The following CDH13 variants were observed in gnomAD, a reference collection of about 807,000 sequenced individuals.
CDH13 encodes the protein cadherin 13.
CDH13 carries 24 observed loss-of-function variants against 63.8 expected under a neutral mutation model. The ratio of observed to expected loss-of-function variants is 0.38; its 90% CI spans 0.27 to 0.53. CDH13 has a LOEUF of 0.53. Ranked by LOEUF, CDH13 falls within the 20% of genes least tolerant of loss-of-function variation. The pLI is 0.85. For synonymous variants in CDH13, 503 were observed against 355.3 expected (o/e 1.42, Z -4.67); for missense variants, 1,049 against 903.1 (o/e 1.16, Z -2.07).
At position 83,670,664 on chromosome 16, in the gene CDH13, G is replaced by A. The variant is rs192763376; in HGVS notation, c.1102-126G>A. 6.1e-4 allele frequency: 538 copies of A among 889,210 alleles called. 8 individuals are homozygous for A. In the East Asian group the frequency reaches 7.2e-3, roughly 12 times the overall value. 55.1% of individuals were successfully genotyped at this position (889,210 alleles called of 1,614,324 possible). Reference sequence around the variant, plus strand: ...AAGAAGAGCATAGTATCTTCCAACCGTAATCCTCTTATGTTATTATTTATT... The same window carrying A: ...AAGAAGAGCATAGTATCTTCCAACCATAATCCTCTTATGTTATTATTTATT... On this transcript the variant is annotated intron_variant, in intron 8 of 13. Coordinates refer to ENST00000567109, the MANE Select transcript of CDH13 (RefSeq NM_001257.5).
rs551899017 is a variant in CDH13 at position 82,718,705 on chromosome 16, G to A, written c.45+91568G>A. Among the ~76,000 whole-genome samples the A allele has an allele frequency of 4.6e-5, 7 of 152,270 alleles. No homozygotes were observed. In the East Asian group the frequency reaches 7.7e-4, roughly 17 times the overall value. ...GGCAGCAGACAAGAGAAGAGAACTC[G>A]TGCAGGGAAACTCCCCTTTATAAAC... On this transcript the variant is annotated intron_variant, in intron 1 of 13. Transcript: ENST00000567109.
intron 2 of CDH13, among the ~76,000 whole-genome samples, chr16:82,916,806 A>T (rs1157010035): frequency 2.0e-5 from 3 of 152,168 alleles, no homozygotes; most frequent in Non-Finnish European, 4.4e-5. Flanking sequence ...CCTAAAAAAT[A>T]TTCCCTACTA....
chr16:83,009,465 T>G (rs1246782585), intron 2 of CDH13, among the ~76,000 whole-genome samples: 1 of 152,148 alleles, frequency 6.6e-6, no homozygotes, highest in Non-Finnish European at 1.5e-5. Context: ...ATTCTCTCAC[T>G]TTTTTTCCTC....
intron 1 of CDH13, among the ~76,000 whole-genome samples, chr16:82,698,835 G>C (rs1378286869): frequency 6.6e-6 from 1 of 152,160 alleles, no homozygotes; most frequent in African/African-American, 2.4e-5. Context: ...CCTTTAAAAG[G>C]ACAGATAGTA....
intron 6 of CDH13, among the ~76,000 whole-genome samples, chr16:83,347,677 G>C (rs994188686): frequency 1.3e-5 from 2 of 152,164 alleles, no homozygotes; most frequent in African/African-American, 4.8e-5. Flanking sequence ...TCAGGAACTT[G>C]ACAAAGTTAC....
intron 4 of CDH13, among the ~76,000 whole-genome samples, chr16:83,182,724 TAA>T (rs1195064190): frequency 1.3e-5 from 2 of 152,202 alleles, no homozygotes; most frequent in African/African-American, 4.8e-5. Flanking sequence ...CACTTAGGAC[TAA>T]AAAAGTTAGT....
chr16:82,802,405 A>T (rs1396872042), intron 1 of CDH13, among the ~76,000 whole-genome samples: 1 of 152,098 alleles, frequency 6.6e-6, no homozygotes, highest in Non-Finnish European at 1.5e-5. Context: ...GCCTGGCAAA[A>T]CAGGAGGATA....
At chr16:83,511,531 ACACT>A (rs2074566275) in intron 7 of CDH13, among the ~76,000 whole-genome samples, 1 of 152,162 alleles carries the variant, frequency 6.6e-6, no homozygotes, top group Non-Finnish European at 1.5e-5. Context: ...ACCTACACAT[ACACT>A]CATACATTCC....
At chr16:83,545,936 T>C (rs923186183) in intron 7 of CDH13, among the ~76,000 whole-genome samples, 5 of 152,142 alleles carry the variant, frequency 3.3e-5, no homozygotes, top group Non-Finnish European at 5.9e-5. Flanking sequence ...GTTCTAAGCA[T>C]TGGGGTGTGG....
At chr16:83,713,455 G>A (rs1057380175) in intron 10 of CDH13, among the ~76,000 whole-genome samples, 1 of 151,496 alleles carries the variant, frequency 6.6e-6, no homozygotes, top group Non-Finnish European at 1.5e-5. Flanking sequence ...TTTTGAAGGG[G>A]GAAAACACGA....
At chr16:83,162,687 C>T (rs1360211186) in intron 4 of CDH13, among the ~76,000 whole-genome samples, 1 of 152,000 alleles carries the variant, frequency 6.6e-6, no homozygotes, top group Non-Finnish European at 1.5e-5. Flanking sequence ...AAAGAAGGCC[C>T]TACACCACTA....
chr16:83,785,532 A>G lies in CDH13; in HGVS notation c.2134+2060A>G, dbSNP rs530365256. Among the ~76,000 whole-genome samples the G allele has an allele frequency of 6.6e-5, 10 of 152,194 alleles. No individual in the cohort carries two copies. The South Asian group carries it at 2.1e-3, about 32-fold the overall frequency. ...TAGCAGATACCATGAATTTATAGCA[A>G]CACATTATGCTTGTTTGCCCCCTTG... On this transcript the variant is annotated intron_variant, in intron 13 of 13. Coordinates refer to ENST00000567109, the MANE Select transcript of CDH13 (RefSeq NM_001257.5).
intron 7 of CDH13, among the ~76,000 whole-genome samples, chr16:83,596,201 G>A (rs570418636): frequency 6.6e-6 from 1 of 152,288 alleles, no homozygotes; most frequent in South Asian, 2.1e-4. Flanking sequence ...CAGGGCAGCT[G>A]GACAAGTGAA....
chr16:83,359,941 C>T (rs2091130714), intron 6 of CDH13, among the ~76,000 whole-genome samples: 1 of 152,166 alleles, frequency 6.6e-6, no homozygotes, highest in South Asian at 2.1e-4. Flanking sequence ...CATTAGACGT[C>T]GTTCCTTATA....
intron 2 of CDH13, among the ~76,000 whole-genome samples, chr16:82,986,797 T>C (rs983109524): frequency 5.3e-5 from 8 of 152,290 alleles, no homozygotes; most frequent in African/African-American, 1.9e-4. Flanking sequence ...ATACCGCAAA[T>C]GGGTGAAGAA....
intron 6 of CDH13, among the ~76,000 whole-genome samples, chr16:83,382,057 T>C (rs541232337): frequency 6.6e-6 from 1 of 152,320 alleles, no homozygotes; most frequent in East Asian, 1.9e-4. Context: ...CCAATGTGAA[T>C]GGGCTTCCAC....
intron 1 of CDH13, among the ~76,000 whole-genome samples, chr16:82,761,069 A>G (rs1486758937): frequency 9.1e-6 from 1 of 109,484 alleles, no homozygotes; most frequent in African/African-American, 3.6e-5. Flanking sequence ...TGTCACCCAG[A>G]CTGGAGTGCA....
At chr16:82,965,465 A>T (rs982289619) in intron 2 of CDH13, among the ~76,000 whole-genome samples, 4 of 152,186 alleles carry the variant, frequency 2.6e-5, no homozygotes, top group East Asian at 1.9e-4. Context: ...TTATTTTTCA[A>T]ATATTCCATT....
chr16:83,494,973 G>C lies in CDH13; in HGVS notation c.960+8318G>C, dbSNP rs1198412853. 2.6e-5 allele frequency among the ~76,000 whole-genome samples: 4 copies of C among 152,184 alleles called. No homozygotes were observed. The East Asian group carries it at 7.7e-4, about 29-fold the overall frequency. On this transcript the variant is annotated intron_variant, in intron 7 of 13. Transcript: ENST00000567109. ...AAGTTATAGGATCATCTATTGCATTGGAGGTCAGGAAACTTTTTTTTTAAA... is the reference window on the plus strand; with the variant it reads ...AAGTTATAGGATCATCTATTGCATTCGAGGTCAGGAAACTTTTTTTTTAAA...
Sources: gnomAD v4.1 joint callset for allele counts (sites outside exome capture counted in the v4.1 genomes callset) on GRCh38, gnomAD v4.1.1 for gene constraint, MANE v1.5 for transcripts, NCBI Gene and HGNC (gene_info 2026-07-23, HGNC 2026-07-21) for gene names.